MRTFB: variants seen among roughly 807,000 people sequenced by gnomAD.
MRTFB encodes myocardin related transcription factor B, also known as myocardin-related transcription factor B.
MRTFB carries 29 observed loss-of-function variants against 104.2 expected under a neutral mutation model. That is an observed-to-expected ratio of 0.28 (90% CI 0.21 to 0.38). The LOEUF (loss-of-function observed/expected upper bound fraction) is 0.38, where lower values mean the gene tolerates loss of function less well. Among genes scored for constraint, MRTFB ranks in the 10% least tolerant of loss-of-function variants. The pLI, the probability that MRTFB is intolerant of heterozygous loss-of-function variation, is 1.00. For missense variants in MRTFB, 1,270 were observed against 1,341.6 expected (o/e 0.95, Z 0.83); for synonymous variants, 535 against 519.5 (o/e 1.03, Z -0.41).
At chr16:14,144,448 TTAGA>T (rs1461828337) in intron 3 of MRTFB, 1 of 152,148 alleles carries the variant, frequency 6.6e-6, no homozygotes, top group Admixed American at 6.5e-5. Context: ...CAAATTTCAG[TTAGA>T]TAGGAGGAAT....
At chr16:14,233,535 C>G (rs1477502539) in intron 8 of MRTFB, among the ~76,000 whole-genome samples, 1 of 152,100 alleles carries the variant, frequency 6.6e-6, no homozygotes, top group Non-Finnish European at 1.5e-5. Flanking sequence ...TGGGTGTAAT[C>G]TCAGCACTTT....
the MRTFB span, among the ~76,000 whole-genome samples, chr16:14,020,644 G>A: frequency 1.3e-5 from 2 of 152,166 alleles, no homozygotes; most frequent in Non-Finnish European, 2.9e-5. Flanking sequence ...CTTGGCACAA[G>A]GAACATCAGA....
the MRTFB span, among the ~76,000 whole-genome samples, chr16:14,010,215 C>A: frequency 6.6e-6 from 1 of 152,138 alleles, no homozygotes; most frequent in African/African-American, 2.4e-5. Context: ...GGGAATTTAG[C>A]CCCCAACAAG....
chr16:14,175,342 G>C (rs868452944), intron 3 of MRTFB, among the ~76,000 whole-genome samples: 4 of 152,042 alleles, frequency 2.6e-5, no homozygotes, highest in African/African-American at 9.7e-5. Flanking sequence ...CAGTCTCTAG[G>C]CAACTACTCA....
At chr16:14,191,644 C>T (rs2040189407) in intron 3 of MRTFB, among the ~76,000 whole-genome samples, 1 of 152,068 alleles carries the variant, frequency 6.6e-6, no homozygotes. Flanking sequence ...GAGTATTATA[C>T]CCTTCTCTGC....
the MRTFB span, among the ~76,000 whole-genome samples, chr16:14,060,047 C>T: frequency 1.1e-4 from 15 of 138,342 alleles, no homozygotes; most frequent in African/African-American, 4.4e-4. Context: ...CACTCTGTCA[C>T]CCAGGCTGAA....
Position 14,246,737 on chromosome 16 carries a change from G to C in MRTFB, c.1477G>C (p.Ala493Pro). ...ATTGCCACCTACAGGAACCAGCAAC[G>C]CAACCCGTGTGGAAAATGTTCATTC... ...AELPPTGTSNATRVENVHSPL... is the reference protein window; with the variant it reads ...AELPPTGTSNPTRVENVHSPL... The change falls in exon 12 of 17, where the codon GCA becomes CCA. Residue 493 changes from alanine (A) to proline (P), a missense_variant. Ala to Pro is a conservative substitution (Grantham distance 27). This residue lies in a region of MRTFB where 1,144 missense variants were observed against 1,131.5 expected (regional missense o/e 1.01). Coordinates refer to ENST00000571589, the MANE Select transcript of MRTFB (RefSeq NM_001308142.2). The C allele has an allele frequency of 6.2e-7, 1 of 1,614,130 alleles. No individual in the cohort carries two copies. The highest frequency in any genetic ancestry group is 8.5e-7 in the Non-Finnish European group (1 of 1,180,022).
chr16:14,189,784 A>G (rs2040096200), intron 3 of MRTFB, among the ~76,000 whole-genome samples: 1 of 152,156 alleles, frequency 6.6e-6, no homozygotes, highest in African/African-American at 2.4e-5. Context: ...TATATGTCTG[A>G]TACGTGTCCA....
At position 14,206,589 on chromosome 16, in the gene MRTFB, G is replaced by A. The variant is rs1481799466; in HGVS notation, c.155-3654G>A. Among the ~76,000 whole-genome samples, 67 of 152,122 alleles carry A rather than the reference G, an allele frequency of 4.4e-4. 1 individual carries two copies. Among genetic ancestry groups the A allele is most frequent in the Admixed American group, 4.3e-3 (66 of 15,268 alleles). Reference sequence around the variant, plus strand: ...TGTTTTTGTTTTGAGACAGAGTCTCGCTCTGTTGCCCAGGCTTGAGTGCAA... The same window carrying A: ...TGTTTTTGTTTTGAGACAGAGTCTCACTCTGTTGCCCAGGCTTGAGTGCAA... On this transcript the variant is annotated intron_variant, in intron 3 of 16. Transcript: ENST00000571589.
intron 2 of MRTFB, among the ~76,000 whole-genome samples, chr16:14,096,291 T>TCA (rs1487686475): frequency 3.3e-5 from 5 of 152,124 alleles, no homozygotes; most frequent in Non-Finnish European, 5.9e-5. Context: ...CAAGCTGGTC[T>TCA]CAAACTCCTG....
chr16:14,251,333 C>T (rs1307844236), intron 13 of MRTFB, among the ~76,000 whole-genome samples: 1 of 141,304 alleles, frequency 7.1e-6, no homozygotes, highest in Non-Finnish European at 1.5e-5. Flanking sequence ...GCCGAGATCG[C>T]ACCACTGCAC....
At chr16:14,095,950 A>G (rs1267620465) in intron 2 of MRTFB, among the ~76,000 whole-genome samples, 5 of 152,352 alleles carry the variant, frequency 3.3e-5, no homozygotes, top group Admixed American at 1.3e-4. Flanking sequence ...TGTTCAGAAC[A>G]TGTGACAGGG....
intron 7 of MRTFB, 32 bp from the exon 8 acceptor site, chr16:14,218,788 T>G: frequency 1.3e-6 from 2 of 1,565,466 alleles, no homozygotes; most frequent in Non-Finnish European, 8.7e-7. Context: ...AAAGCCAACA[T>G]AAGTCAAGTC....
intron 3 of MRTFB, among the ~76,000 whole-genome samples, chr16:14,158,966 T>C (rs1051998461): frequency 8.1e-6 from 1 of 123,210 alleles, no homozygotes; most frequent in African/African-American, 3.0e-5. Flanking sequence ...CCCTGTCTCA[T>C]AAAGATTAAA....
intron 2 of MRTFB, among the ~76,000 whole-genome samples, chr16:14,093,993 G>A (rs1158018907): frequency 6.6e-6 from 1 of 152,182 alleles, no homozygotes; most frequent in African/African-American, 2.4e-5. Flanking sequence ...AGTCAGCTTT[G>A]TTCTTTGCTA....
At chr16:14,159,711 C>T (rs1215963284) in intron 3 of MRTFB, among the ~76,000 whole-genome samples, 1 of 151,724 alleles carries the variant, frequency 6.6e-6, no homozygotes, top group Non-Finnish European at 1.5e-5. Flanking sequence ...GGGCGGATCA[C>T]GAGGTCAGGA....
intron 3 of MRTFB, among the ~76,000 whole-genome samples, chr16:14,198,758 A>C (rs570378613): frequency 3.9e-4 from 59 of 152,318 alleles, no homozygotes; most frequent in African/African-American, 1.4e-3. Flanking sequence ...TCCCAGACCA[A>C]AGCTGTAAAG....
At chr16:14,111,975 C>G (rs1160876467) in intron 2 of MRTFB, among the ~76,000 whole-genome samples, 1 of 152,206 alleles carries the variant, frequency 6.6e-6, no homozygotes, top group Non-Finnish European at 1.5e-5. Context: ...CTCCTTCTTA[C>G]TGGGTACCAT....
At chr16:14,065,577 A>G in the MRTFB span, among the ~76,000 whole-genome samples, 1 of 151,944 alleles carries the variant, frequency 6.6e-6, no homozygotes, top group African/African-American at 2.4e-5. Flanking sequence ...CCCACTCAGT[A>G]TGATGTTGAA....
Sources: allele counts gnomAD v4.1 joint callset (sites outside exome capture counted in the v4.1 genomes callset), GRCh38; gene constraint gnomAD v4.1.1; regional missense constraint gnomAD v4.1.1; transcripts MANE v1.5; gene names NCBI Gene and HGNC (gene_info 2026-07-23, HGNC 2026-07-21).